The following PHTF2 variants were observed in gnomAD, a reference collection of about 807,000 sequenced individuals.
The protein encoded by PHTF2 is protein PHTF2.
PHTF2 carries 60 observed loss-of-function variants against 101.2 expected under a neutral mutation model. The ratio of observed to expected loss-of-function variants is 0.59; its 90% CI spans 0.48 to 0.73. The LOEUF is 0.73. Among genes scored for constraint, PHTF2 ranks in the 30% least tolerant of loss-of-function variants. The pLI is 0.00. For missense variants in PHTF2, 747 were observed against 908.7 expected, an observed-to-expected ratio of 0.82 and a Z score of 2.29; for synonymous variants, 311 against 307.3, an observed-to-expected ratio of 1.01 and a Z score of -0.13.
intron 11 of PHTF2, among the ~76,000 whole-genome samples, chr7:77,925,495 G>GTTTTGTTTTTTTTT (rs1803881973): frequency 1.4e-5 from 1 of 73,138 alleles, no homozygotes; most frequent in African/African-American, 5.8e-5. Flanking sequence ...AGTTTTTAGG[G>GTTTTGTTTTTTTTT]TTTTTTTTTT....
Position 77,820,532 on chromosome 7 carries a change from G to A in PHTF2, c.-35-19689G>A, listed in dbSNP as rs148909392. ...ATTCCCAGCTAATGTGTGTGTGTGC[G>A]TGTGTGTGTGTTTGTGTATACGTAT... On this transcript the variant is annotated intron_variant, in intron 1 of 19. Coordinates refer to ENST00000416283, the Ensembl canonical transcript of PHTF2. 1.4e-3 allele frequency among the ~76,000 whole-genome samples: 216 copies of A among 151,154 alleles called. 3 individuals carry two copies. Among genetic ancestry groups the A allele is most frequent in the Middle Eastern group, 6.8e-3 (2 of 294 alleles).
chr7:77,952,001 T>A (rs1189762133), intron 18 of PHTF2, among the ~76,000 whole-genome samples: 2 of 152,092 alleles, frequency 1.3e-5, no homozygotes, highest in Non-Finnish European at 2.9e-5. Context: ...AAAATAGATA[T>A]CAAAAAAGAA....
intron 2 of PHTF2, among the ~76,000 whole-genome samples, chr7:77,841,074 A>ATTTTTT (rs1562863302): frequency 7.8e-5 from 4 of 51,414 alleles, no homozygotes; most frequent in African/African-American, 5.5e-4. Flanking sequence ...GAAAAAACAG[A>ATTTTTT]CTTTTTTTTT....
chr7:77,825,456 A>G (rs1179745528), intron 1 of PHTF2, among the ~76,000 whole-genome samples: 1 of 152,170 alleles, frequency 6.6e-6, no homozygotes, highest in Non-Finnish European at 1.5e-5. Flanking sequence ...CAGAGGCAAC[A>G]AGCACTGGCA....
In PHTF2 at chr7:77,827,479, G is replaced by C. The variant is rs372417153; in HGVS notation, c.-35-12742G>C. ...AGGCAGTTATTTGCTTCATCCTCCT[G>C]AGTAGCTGGGATTACAGGCACCTGC... On this transcript the variant is annotated intron_variant, in intron 1 of 19. Transcript: ENST00000416283. Among the ~76,000 whole-genome samples the C allele has an allele frequency of 8.5e-5, 13 of 152,136 alleles. No individual in the cohort carries two copies. The East Asian group carries it at 2.5e-3, about 29-fold the overall frequency.
chr7:77,872,743 T>A (rs896150585), intron 3 of PHTF2, among the ~76,000 whole-genome samples: 33 of 152,172 alleles, frequency 2.2e-4, no homozygotes, highest in Admixed American at 8.5e-4. Flanking sequence ...CAAGAGTACC[T>A]CTTCTGGACC....
intron 16 of PHTF2, among the ~76,000 whole-genome samples, chr7:77,949,106 A>G (rs1272181590): frequency 6.7e-6 from 1 of 149,778 alleles, no homozygotes; most frequent in Non-Finnish European, 1.5e-5. Flanking sequence ...TTTTACTTTA[A>G]CATAGGAGTT....
intron 12 of PHTF2, among the ~76,000 whole-genome samples, chr7:77,932,631 T>A (rs953353790): frequency 1.3e-5 from 2 of 150,172 alleles, no homozygotes; most frequent in African/African-American, 2.5e-5. Flanking sequence ...AGTGTGTGTG[T>A]GTGTGTGTGT....
intron 3 of PHTF2, among the ~76,000 whole-genome samples, chr7:77,872,137 T>G (rs1202619554): frequency 6.6e-6 from 1 of 152,178 alleles, no homozygotes; most frequent in East Asian, 1.9e-4. Context: ...TCAGCCTTGG[T>G]GAGTGGAAGT....
At chr7:77,937,943 T>C in intron 13 of PHTF2, 105 bp downstream of exon 12, 1 of 488,716 alleles carries the variant, frequency 2.0e-6, no homozygotes. Flanking sequence ...CCTCATTTCT[T>C]CACCCTGAAA....
chr7:77,910,212 G>T lies in PHTF2; in HGVS notation c.612-33G>T, dbSNP rs770373356. On this transcript the variant is annotated intron_variant, in intron 8 of 19. Coordinates refer to ENST00000416283, the Ensembl canonical transcript of PHTF2. Reference sequence around the variant, plus strand: ...AGAAAGTGGTTATTAAAATATTAAAGCTGCCTTCCATTCTTAATCTCTTCT... The same window carrying T: ...AGAAAGTGGTTATTAAAATATTAAATCTGCCTTCCATTCTTAATCTCTTCT... The T allele has an allele frequency of 3.2e-6, 5 of 1,576,200 alleles. No individual in the cohort carries two copies. In the South Asian group the frequency reaches 5.8e-5, roughly 18 times the overall value.
At chr7:77,845,524 A>G (rs1796208570) in intron 2 of PHTF2, among the ~76,000 whole-genome samples, 1 of 152,220 alleles carries the variant, frequency 6.6e-6, no homozygotes, top group Admixed American at 6.5e-5. Context: ...AGTAATTTAA[A>G]TGAGAAACTA....
intron 1 of PHTF2, among the ~76,000 whole-genome samples, chr7:77,806,406 C>T (rs1264961568): frequency 2.0e-5 from 3 of 152,154 alleles, no homozygotes; most frequent in African/African-American, 7.2e-5. Flanking sequence ...ATCCCTTTAT[C>T]ATTGTGAAAT....
chr7:77,893,890 A>ATTTT, intron 4 of PHTF2, 92 bp from the exon 4 acceptor site: 1 of 950,260 alleles, frequency 1.1e-6, no homozygotes, highest in Non-Finnish European at 1.7e-6. Flanking sequence ...TCTAATGACT[A>ATTTT]TTTTTTTGTC....
chr7:77,818,658 G>A (rs1416450555), intron 1 of PHTF2, among the ~76,000 whole-genome samples: 2 of 152,084 alleles, frequency 1.3e-5, no homozygotes, highest in African/African-American at 4.8e-5. Flanking sequence ...TGGTTACTAC[G>A]GCTTTGTAGT....
intron 3 of PHTF2, among the ~76,000 whole-genome samples, chr7:77,885,644 C>T (rs111979258): frequency 6.6e-6 from 1 of 152,108 alleles, no homozygotes; most frequent in African/African-American, 2.4e-5. Context: ...AGGGTTTCAC[C>T]ATGTTGGCCA....
intron 2 of PHTF2, among the ~76,000 whole-genome samples, chr7:77,847,048 A>G (rs1393394021): frequency 6.6e-6 from 1 of 152,234 alleles, no homozygotes; most frequent in Non-Finnish European, 1.5e-5. Flanking sequence ...TTTATGAACC[A>G]TAAAATTAAT....
rs116969550 is a variant in PHTF2 at position 77,890,101 on chromosome 7, G to A, written c.148-3507G>A. On this transcript the variant is annotated intron_variant, in intron 3 of 19. Coordinates refer to ENST00000416283, the Ensembl canonical transcript of PHTF2. ...TCACCTATCAAATCTTTGAATAAAT[G>A]TGTCTTTCCAGTAAAACAAATCATT... is the stretch of plus-strand genomic sequence containing the variant. Among the ~76,000 whole-genome samples the A allele has an allele frequency of 7.1e-3, 1,051 of 148,516 alleles. 8 individuals carry two copies. Among genetic ancestry groups the A allele is most frequent in the Middle Eastern group, 0.021 (6 of 286 alleles).
chr7:77,804,904 A>G (rs558626662), intron 1 of PHTF2, among the ~76,000 whole-genome samples: 1 of 152,244 alleles, frequency 6.6e-6, no homozygotes, highest in South Asian at 2.1e-4. Flanking sequence ...TTCCTTCAGA[A>G]TAATTTTGTT....
Sources: gnomAD v4.1 joint callset for allele counts (sites outside exome capture counted in the v4.1 genomes callset) on GRCh38, gnomAD v4.1.1 for gene constraint, MANE v1.5 for transcripts, NCBI Gene and HGNC (gene_info 2026-07-23, HGNC 2026-07-21) for gene names.